The following TMBIM4 variants were observed in gnomAD, a reference collection of about 807,000 sequenced individuals.
TMBIM4 encodes transmembrane BAX inhibitor motif containing 4.
TMBIM4 carries 28 observed loss-of-function variants against 27.7 expected under a neutral mutation model. The ratio of observed to expected loss-of-function variants is 1.01; its 90% CI spans 0.75 to 1.38. The LOEUF (loss-of-function observed/expected upper bound fraction) is 1.38, where lower values mean the gene tolerates loss of function less well. TMBIM4 is among the 40% of genes most tolerant of loss of function. The pLI, the probability that TMBIM4 is intolerant of heterozygous loss-of-function variation, is 0.00. For synonymous variants in TMBIM4, 115 were observed against 113.1 expected (o/e 1.02, Z -0.11); for missense variants, 265 against 277.5 (o/e 0.95, Z 0.32).
intron 1 of TMBIM4, among the ~76,000 whole-genome samples, chr12:66,154,825 A>G (rs2051905478): frequency 6.6e-6 from 1 of 152,206 alleles, no homozygotes; most frequent in African/African-American, 2.4e-5. Flanking sequence ...AATACTAAGG[A>G]TTTAATAATC....
chr12:66,148,200 A>G (rs2051783303), intron 3 of TMBIM4, among the ~76,000 whole-genome samples: 1 of 152,224 alleles, frequency 6.6e-6, no homozygotes, highest in Non-Finnish European at 1.5e-5. Context: ...CAGGAAGACT[A>G]TAAATATAGA....
chr12:66,162,077 T>TAAAAAA (rs11438402), intron 1 of TMBIM4, among the ~76,000 whole-genome samples: 1 of 148,012 alleles, frequency 6.8e-6, no homozygotes. Flanking sequence ...CCAACATCAC[T>TAAAAAA]AAAAAAAAAA....
rs2051580633 is a variant in TMBIM4, at chr12:66,136,310, C to T, written c.*1650G>A. Reference sequence around the variant, plus strand: ...AATGATTCTAATCTAGATGCTCTTACCCACCATGCTGTTAAACTTGATTGC... The same window carrying T: ...AATGATTCTAATCTAGATGCTCTTATCCACCATGCTGTTAAACTTGATTGC... On this transcript the variant is annotated 3_prime_UTR_variant, in exon 7 of 7. Coordinates refer to ENST00000358230, the MANE Select transcript of TMBIM4 (RefSeq NM_016056.4). 6.6e-6 allele frequency: 1 copy of T among 152,324 alleles called. No individual in the cohort carries two copies. The allele number at this position is 152,324 out of a possible 1,614,324, so 9.4% of individuals were successfully genotyped here. A position where few individuals can be genotyped will look rare whatever the true frequency, so the allele number is the denominator to read the frequency against.
In TMBIM4 at chr12:66,140,277, G is replaced by A. The variant is rs2051646882; in HGVS notation, c.465-1508C>T. 3.3e-5 allele frequency among the ~76,000 whole-genome samples: 5 copies of A among 152,080 alleles called. No homozygotes were observed. The South Asian group carries it at 1.0e-3, about 31-fold the overall frequency. On this transcript the variant is annotated intron_variant, in intron 5 of 6. Transcript: ENST00000358230. ...GAGGAAAGAATGATCATGAGGAGGA[G>A]AGAAATGGAAGATACTATTTTTTTT... is the stretch of plus-strand genomic sequence containing the variant.
At chr12:66,141,781 C>T (rs536699077) in intron 5 of TMBIM4, among the ~76,000 whole-genome samples, 29 of 152,062 alleles carry the variant, frequency 1.9e-4, no homozygotes, top group Admixed American at 3.3e-4. Flanking sequence ...ACCAAGAGTA[C>T]GTAACAATCC....
chr12:66,165,285 T>G (rs1418722662), intron 1 of TMBIM4, among the ~76,000 whole-genome samples: 2 of 152,020 alleles, frequency 1.3e-5, no homozygotes, highest in Non-Finnish European at 1.5e-5. Context: ...AAGTTGGAGA[T>G]CTCACATTCC....
Position 66,169,926 on chromosome 12 carries a change from G to C in TMBIM4, c.26C>G (p.Pro9Arg). ...GAAGTCGTCCTCGATCGAGGAGCGAGGGTACCGGGGGTCGGGGTCAGCCAT... is the reference window on the plus strand; with the variant it reads ...GAAGTCGTCCTCGATCGAGGAGCGACGGTACCGGGGGTCGGGGTCAGCCAT... The part of the protein sequence containing the change: MADPDPRY[P>R]RSSIEDDFNY... Residue 9 changes from proline (P) to arginine (R), a missense_variant, in exon 1 of 7, where the codon CCT becomes CGT. Physicochemically the swap from Pro to Arg is moderately radical, Grantham distance 103. Transcript: ENST00000358230. 1 of 1,494,742 alleles carries C rather than the reference G, an allele frequency of 6.7e-7. No individual in the cohort carries two copies. Among genetic ancestry groups the C allele is most frequent in the Non-Finnish European group, 8.9e-7 (1 of 1,124,100 alleles). 92.6% of individuals were successfully genotyped at this position (1,494,742 alleles called of 1,614,324 possible). A position where few individuals can be genotyped will look rare whatever the true frequency, so the allele number is the denominator to read the frequency against.
Position 66,153,398 on chromosome 12 carries a change from T to C in TMBIM4, c.148A>G (p.Thr50Ala), listed in dbSNP as rs2051882980. 1 of 1,602,180 alleles carries C rather than the reference T, an allele frequency of 6.2e-7. No individual in the cohort carries two copies. The highest frequency in any genetic ancestry group is 8.5e-7 in the Non-Finnish European group (1 of 1,176,388). ...TATAAAAAAACTGTTGAAGTCACTG[T>C]AGTTAAGAGAACCTGCAGAGAAAGA... ...SILSLQVLLT[T>A]VTSTVFLYFE... The change falls in exon 2 of 7, where the codon ACA becomes GCA. Residue 50 changes from threonine to alanine, a missense_variant. Thr to Ala is a moderately conservative substitution (Grantham distance 58). Transcript: ENST00000358230.
chr12:66,152,019 T>C (rs2051852705), intron 3 of TMBIM4, among the ~76,000 whole-genome samples: 1 of 152,136 alleles, frequency 6.6e-6, no homozygotes, highest in Non-Finnish European at 1.5e-5. Context: ...CCTTGCCAAG[T>C]GTCACATAAT....
intron 1 of TMBIM4, among the ~76,000 whole-genome samples, chr12:66,166,637 TATC>T (rs745441319): frequency 2.0e-5 from 3 of 152,210 alleles, no homozygotes; most frequent in Admixed American, 6.5e-5. Flanking sequence ...AAAACACTGA[TATC>T]ATCAAATGCT....
At chr12:66,162,278 G>C (rs1565788665) in intron 1 of TMBIM4, among the ~76,000 whole-genome samples, 1 of 152,166 alleles carries the variant, frequency 6.6e-6, no homozygotes, top group Non-Finnish European at 1.5e-5. Context: ...TACCTACAAT[G>C]AGATATTCTG....
chr12:66,146,320 T>C (rs2051751612), intron 4 of TMBIM4, among the ~76,000 whole-genome samples: 1 of 152,212 alleles, frequency 6.6e-6, no homozygotes. Context: ...TTGTCCATTA[T>C]GGTTTAAATA....
At chr12:66,142,696 A>G (rs1290192867) in intron 5 of TMBIM4, among the ~76,000 whole-genome samples, 3 of 119,970 alleles carry the variant, frequency 2.5e-5, no homozygotes, top group Admixed American at 7.6e-5. Flanking sequence ...TCACTATTGG[A>G]AAAAAAAAAC....
chr12:66,148,061 C>T, intron 3 of TMBIM4, 120 bp from the exon 4 acceptor site: 1 of 860,048 alleles, frequency 1.2e-6, no homozygotes, highest in Non-Finnish European at 1.8e-6. Flanking sequence ...TTCAAAGCAG[C>T]CCTGCGAAGT....
At chr12:66,146,483 C>A (rs1369585504) in intron 4 of TMBIM4, among the ~76,000 whole-genome samples, 1 of 152,130 alleles carries the variant, frequency 6.6e-6, no homozygotes, top group Non-Finnish European at 1.5e-5. Flanking sequence ...GGGTTGCCTA[C>A]CATTCACTTA....
At chr12:66,139,107 TA>T (rs2051625479) in intron 5 of TMBIM4, among the ~76,000 whole-genome samples, 2 of 152,160 alleles carry the variant, frequency 1.3e-5, no homozygotes, top group Non-Finnish European at 2.9e-5. Flanking sequence ...TTTTAGAAAA[TA>T]TATAAACAAA....
chr12:66,165,511 A>G (rs2052111359), intron 1 of TMBIM4, among the ~76,000 whole-genome samples: 1 of 149,494 alleles, frequency 6.7e-6, no homozygotes. Context: ...TCGACCTCCC[A>G]GGCTCAAGTG....
chr12:66,158,142 C>T (rs2051969538), intron 1 of TMBIM4, among the ~76,000 whole-genome samples: 1 of 149,134 alleles, frequency 6.7e-6, no homozygotes, highest in African/African-American at 2.5e-5. Context: ...AGGAGAATGG[C>T]ATGAACCCGG....
intron 6 of TMBIM4, 133 bp downstream of exon 6, chr12:66,138,591 T>C (rs1203856256): frequency 1.6e-6 from 1 of 628,542 alleles, no homozygotes; most frequent in Non-Finnish European, 2.6e-6. Context: ...TCTATAATCA[T>C]TCTATATACA....
Sources: allele counts gnomAD v4.1 joint callset (sites outside exome capture counted in the v4.1 genomes callset), GRCh38; gene constraint gnomAD v4.1.1; transcripts MANE v1.5; gene names NCBI Gene and HGNC (gene_info 2026-07-23, HGNC 2026-07-21).